Variants in QRICH1 observed in about 807,000 individuals in gnomAD.
QRICH1 encodes transcriptional regulator QRICH1.
QRICH1 carries 16 observed loss-of-function variants against 87.1 expected under a neutral mutation model. That is an observed-to-expected ratio of 0.18 (90% CI 0.12 to 0.28). The LOEUF (loss-of-function observed/expected upper bound fraction) is 0.28. QRICH1 is among the 10% of genes least tolerant of loss of function. The pLI, the probability that QRICH1 is intolerant of heterozygous loss-of-function variation, is 1.00. For synonymous variants in QRICH1, 367 were observed against 368.4 expected, an observed-to-expected ratio of 1.00 and a Z score of 0.05; for missense variants, 647 against 951.7, an observed-to-expected ratio of 0.68 and a Z score of 4.21.
chr3:49,030,433 G>T lies in QRICH1; in HGVS notation c.*19C>A. On this transcript the variant is annotated 3_prime_UTR_variant, in exon 10 of 10. Coordinates refer to ENST00000395443, the MANE Select transcript of QRICH1 (RefSeq NM_198880.3). Reference sequence around the variant, plus strand: ...TGGTTTTTCCTGGCTGGTTTCTCTTGTGCCATGGCCAAGGCATCTCAGTGC... The same window carrying T: ...TGGTTTTTCCTGGCTGGTTTCTCTTTTGCCATGGCCAAGGCATCTCAGTGC... 6.2e-7 allele frequency: 1 copy of T among 1,609,056 alleles called. No homozygotes were observed.
intron 1 of QRICH1, among the ~76,000 whole-genome samples, chr3:49,080,753 T>C (rs1386601893): frequency 2.0e-5 from 3 of 152,006 alleles, no homozygotes; most frequent in Non-Finnish European, 4.4e-5. Context: ...CTTTCTTCAG[T>C]ATTCAGTATA....
chr3:49,049,034 T>C (rs1055321230), intron 3 of QRICH1, among the ~76,000 whole-genome samples: 3 of 151,476 alleles, frequency 2.0e-5, no homozygotes, highest in East Asian at 2.0e-4. Flanking sequence ...CCCGAGTAGC[T>C]AGGATTACAG....
In QRICH1 at chr3:49,057,815, T is replaced by C; in HGVS notation, c.385A>G (p.Thr129Ala). Residue 129 changes from threonine to alanine, a missense_variant, in exon 3 of 10, where the codon ACT becomes GCT. Around this residue, in one of 7 missense-constraint regions of QRICH1, gnomAD observed 156 missense variants for 164.5 expected, o/e 0.95. Coordinates refer to ENST00000395443, the MANE Select transcript of QRICH1 (RefSeq NM_198880.3). This position sits in a 1 kb window ranked among gnomAD's most constrained non-coding sequence, Gnocchi z 5.4. ...LSPQLTVHQP[T>A]EQPIQVQVQI... ...ACCTGGACCTGGATGGGTTGCTCAGTAGGCTGGTGAACGGTGAGTTGTGGG... is the reference window on the plus strand; with the variant it reads ...ACCTGGACCTGGATGGGTTGCTCAGCAGGCTGGTGAACGGTGAGTTGTGGG... 6 of 1,613,996 alleles carry C rather than the reference T, an allele frequency of 3.7e-6. No homozygotes were observed. The highest frequency in any genetic ancestry group is 1.1e-5 in the South Asian group (1 of 91,076).
intron 6 of QRICH1, among the ~76,000 whole-genome samples, chr3:49,037,513 C>T (rs2093282878): frequency 6.6e-6 from 1 of 152,184 alleles, no homozygotes; most frequent in African/African-American, 2.4e-5. Flanking sequence ...AGGTGGATTG[C>T]CTGAGCTCAA....
At chr3:49,060,217 C>T (rs1257642377) in intron 2 of QRICH1, among the ~76,000 whole-genome samples, 3 of 143,758 alleles carry the variant, frequency 2.1e-5, no homozygotes, top group African/African-American at 5.2e-5. Flanking sequence ...TTTTTGAGAC[C>T]AAGTCTCGCT....
At chr3:49,031,863 G>A (rs1429935676) in intron 9 of QRICH1, among the ~76,000 whole-genome samples, 1 of 152,168 alleles carries the variant, frequency 6.6e-6, no homozygotes, top group African/African-American at 2.4e-5. Context: ...GATTAATGAT[G>A]GCAGTGACAA....
chr3:49,064,357 T>C (rs1314727383), intron 2 of QRICH1, among the ~76,000 whole-genome samples: 1 of 150,706 alleles, frequency 6.6e-6, no homozygotes, highest in Non-Finnish European at 1.5e-5. Context: ...TCTCTTAACC[T>C]CTGCCTCCCG....
At chr3:49,065,781 C>G (rs1045784801) in intron 2 of QRICH1, among the ~76,000 whole-genome samples, 1 of 151,330 alleles carries the variant, frequency 6.6e-6, no homozygotes, top group South Asian at 2.1e-4. Flanking sequence ...CCCGGGTTCA[C>G]GCCATTCTCC....
At chr3:49,085,651 G>C (rs914135143) in intron 1 of QRICH1, among the ~76,000 whole-genome samples, 3 of 151,838 alleles carry the variant, frequency 2.0e-5, no homozygotes, top group African/African-American at 2.4e-5. Flanking sequence ...CCAGCTACTC[G>C]GAAGGCTGAG....
chr3:49,071,338 A>G (rs978419419), intron 2 of QRICH1, among the ~76,000 whole-genome samples: 4 of 151,850 alleles, frequency 2.6e-5, no homozygotes, highest in Non-Finnish European at 5.9e-5. Context: ...GAACCACCGC[A>G]CCCAGCCCCA....
At position 49,056,969 on chromosome 3, in the gene QRICH1, G is replaced by C; in HGVS notation, c.1231C>G (p.Gln411Glu). The C allele has an allele frequency of 3.1e-6, 5 of 1,614,188 alleles. No individual in the cohort carries two copies. The highest frequency in any genetic ancestry group is 3.4e-6 in the Non-Finnish European group (4 of 1,180,038). The change falls in exon 3 of 10, where the codon CAA becomes GAA. Residue 411 changes from glutamine to glutamate, a missense_variant. By Grantham distance (29) the Gln-to-Glu change is conservative. Coordinates refer to ENST00000395443, the MANE Select transcript of QRICH1 (RefSeq NM_198880.3). Reference sequence around the variant, plus strand: ...TGGGGGTCCCATATATGGACAGTTTGAGCCGTATTCTGGTACGTGCCTGCC... The same window carrying C: ...TGGGGGTCCCATATATGGACAGTTTCAGCCGTATTCTGGTACGTGCCTGCC... ...AVAGTYQNTAQTVHIWDPQQQ... is the reference protein window; with the variant it reads ...AVAGTYQNTAETVHIWDPQQQ...
At position 49,069,543 on chromosome 3, in the gene QRICH1, A is replaced by ATTT. The variant is rs372639913; in HGVS notation, c.309+7163_309+7165dup. On this transcript the variant is annotated intron_variant, in intron 2 of 9. Coordinates refer to ENST00000395443, the MANE Select transcript of QRICH1 (RefSeq NM_198880.3). Reference sequence around the variant, plus strand: ...CGAAAATACAGATCCATGGGGGGGAATTTTTTTTTTTTTTTTTTTTTTGAG... The same window carrying ATTT: ...CGAAAATACAGATCCATGGGGGGGAATTTTTTTTTTTTTTTTTTTTTTTTTGAG... 6.5e-4 allele frequency among the ~76,000 whole-genome samples: 80 copies of ATTT among 122,748 alleles called. 1 individual carries two copies. Among genetic ancestry groups the ATTT allele is most frequent in the South Asian group, 1.1e-3 (4 of 3,792 alleles). 80.5% of individuals were successfully genotyped at this position (122,748 alleles called of 152,430 possible).
At chr3:49,041,672 T>C (rs6787808) in intron 6 of QRICH1, among the ~76,000 whole-genome samples, 124,092 of 151,606 alleles carry the variant, frequency 0.82, 51,147 homozygotes, top group East Asian at 1. Flanking sequence ...ACTCTGTCAC[T>C]CAGGCTGGAG....
intron 2 of QRICH1, among the ~76,000 whole-genome samples, chr3:49,059,265 GTTTT>G (rs555967025): frequency 1.3e-5 from 2 of 149,636 alleles, no homozygotes; most frequent in Non-Finnish European, 3.0e-5. Flanking sequence ...ACAAGGGACC[GTTTT>G]TTTCTCTAAA....
intron 1 of QRICH1, among the ~76,000 whole-genome samples, chr3:49,087,557 GA>G (rs2042189750): frequency 6.6e-6 from 1 of 150,398 alleles, no homozygotes; most frequent in African/African-American, 2.4e-5. Context: ...AAAATAATAA[GA>G]AAAATAAATT....
chr3:49,094,141 CA>C, upstream of QRICH1: 2 of 397,962 alleles, frequency 5.0e-6, no homozygotes, highest in Non-Finnish European at 8.9e-6. Context: ...GCCTACCGGC[CA>C]AAATTAAAGT....
chr3:49,086,652 G>A (rs2042171397), intron 1 of QRICH1, among the ~76,000 whole-genome samples: 1 of 151,988 alleles, frequency 6.6e-6, no homozygotes, highest in South Asian at 2.1e-4. Flanking sequence ...AACATAAGAT[G>A]GTACCATGGA....
intron 2 of QRICH1, among the ~76,000 whole-genome samples, chr3:49,072,252 T>C (rs894344480): frequency 1.3e-5 from 2 of 151,868 alleles, no homozygotes; most frequent in Non-Finnish European, 2.9e-5. Flanking sequence ...CACTGCACTC[T>C]AGTCTGGGCA....
In QRICH1 at chr3:49,087,914, T is replaced by C. The variant is rs1187787572; in HGVS notation, c.-22+5998A>G. Among the ~76,000 whole-genome samples the C allele has an allele frequency of 2.0e-5, 3 of 150,506 alleles. No individual in the cohort carries two copies. The Admixed American group carries it at 2.0e-4, about 10-fold the overall frequency. On this transcript the variant is annotated intron_variant, in intron 1 of 9. Transcript: ENST00000395443. ...CAGACATGACTCCTTAAAATGGAAA[T>C]TGATTTTTTTTCCATGTGAATATAT...
Sources: gnomAD v4.1 joint callset for allele counts (sites outside exome capture counted in the v4.1 genomes callset) on GRCh38, gnomAD v4.1.1 for gene constraint, gnomAD v4.1.1 regional missense constraint, Gnocchi (gnomAD v3.1) non-coding constraint, MANE v1.5 for transcripts, NCBI Gene and HGNC (gene_info 2026-07-23, HGNC 2026-07-21) for gene names.